Variants in CDS2 observed in about 807,000 individuals in gnomAD.
CDS2 encodes phosphatidate cytidylyltransferase 2.
Under a neutral mutation model 59.0 loss-of-function variants are expected in CDS2, and 47 were observed. That is an observed-to-expected ratio of 0.80 (90% CI 0.63 to 1.02). The LOEUF is 1.02. Among genes scored for constraint, CDS2 ranks in the 50% least tolerant of loss-of-function variants. CDS2 has a pLI of 0.00. For synonymous variants in CDS2, 207 were observed against 206.4 expected, an observed-to-expected ratio of 1.00 and a Z score of -0.02; for missense variants, 356 against 558.9, an observed-to-expected ratio of 0.64 and a Z score of 3.66.
chr20:5,173,582 A>G lies in CDS2; in HGVS notation c.117A>G (p.Ala39=). 1 of 1,614,262 alleles carries G rather than the reference A, an allele frequency of 6.2e-7. No homozygotes were observed. The highest frequency in any genetic ancestry group is 2.2e-5 in the East Asian group (1 of 44,888). Residue 39 remains alanine, a synonymous_variant, in exon 2 of 13, where the codon GCA becomes GCG. Coordinates refer to ENST00000460006, the MANE Select transcript of CDS2 (RefSeq NM_003818.4). The part of the protein sequence containing the change: ...GETASDSESR[A]ESAPLPVSAD... ...CTGCATCGGACAGTGAGAGCCGGGC[A>G]GAATCCGCACCCCTGCCAGTCTCTG...
At chr20:5,183,721 A>G (rs926088526) in intron 7 of CDS2, among the ~76,000 whole-genome samples, 1 of 152,238 alleles carries the variant, frequency 6.6e-6, no homozygotes, top group Non-Finnish European at 1.5e-5. Flanking sequence ...CATTCTAAAT[A>G]AAATACTAGC....
Position 5,184,830 on chromosome 20 carries a change from G to A in CDS2, c.672-28G>A, listed in dbSNP as rs2091055680. ...TTTGAGGTACTGTCACCTTGCTTGA[G>A]TTGATCCTTACTTTGGTTCATTTCT... On this transcript the variant is annotated intron_variant, in intron 7 of 12. Transcript: ENST00000460006. The surrounding 1 kb of genome is among the most constrained non-coding windows in gnomAD (Gnocchi z 4.3). The A allele has an allele frequency of 1.9e-6, 3 of 1,554,932 alleles. No homozygotes were observed. Among genetic ancestry groups the A allele is most frequent in the East Asian group, 2.2e-5 (1 of 44,642 alleles).
chr20:5,162,374 G>C lies in CDS2; in HGVS notation c.58-11149G>C, dbSNP rs184458759. 2.7e-4 allele frequency among the ~76,000 whole-genome samples: 41 copies of C among 152,196 alleles called. No homozygotes were observed. The East Asian group carries it at 7.9e-3, about 29-fold the overall frequency. On this transcript the variant is annotated intron_variant, in intron 1 of 12. Coordinates refer to ENST00000460006, the MANE Select transcript of CDS2 (RefSeq NM_003818.4). ...GAACTCTGAAATGCAAAACACTTCC[G>C]GTCTCAAGCATTTTGGTTAAGGGGT...
chr20:5,180,939 G>T (rs1388342298), intron 5 of CDS2, among the ~76,000 whole-genome samples: 2 of 152,166 alleles, frequency 1.3e-5, no homozygotes, highest in Non-Finnish European at 2.9e-5. Flanking sequence ...GAAAGTGTCA[G>T]TATGGTTAGG....
In CDS2 at chr20:5,169,170, G is replaced by A. The variant is rs189519250; in HGVS notation, c.58-4353G>A. On this transcript the variant is annotated intron_variant, in intron 1 of 12. Transcript: ENST00000460006. ...AAATGGCTGAGGAACTGTGGGAGGCGGTGGTTGAGAGAGAACCTGAGAGGG... is the reference window on the plus strand; with the variant it reads ...AAATGGCTGAGGAACTGTGGGAGGCAGTGGTTGAGAGAGAACCTGAGAGGG... Among the ~76,000 whole-genome samples the A allele has an allele frequency of 7.9e-5, 12 of 152,356 alleles. No homozygotes were observed. The East Asian group carries it at 1.5e-3, about 20-fold the overall frequency.
chr20:5,139,310 C>T (rs530649800), intron 1 of CDS2, among the ~76,000 whole-genome samples: 4 of 152,196 alleles, frequency 2.6e-5, no homozygotes, highest in South Asian at 2.1e-4. Context: ...GTAAGTGAGC[C>T]GAGATCATGC....
In CDS2 at chr20:5,194,610, A is replaced by G. The variant is rs1476342128; in HGVS notation, c.*4376A>G. 2 of 152,278 alleles carry G rather than the reference A, an allele frequency of 1.3e-5. No homozygotes were observed. Among genetic ancestry groups the G allele is most frequent in the East Asian group, 3.8e-4 (2 of 5,204 alleles). 9.4% of individuals were successfully genotyped at this position (152,278 alleles called of 1,614,324 possible). On this transcript the variant is annotated 3_prime_UTR_variant, in exon 13 of 13. Coordinates refer to ENST00000460006, the MANE Select transcript of CDS2 (RefSeq NM_003818.4). ...TCCCAACGCACTTTGAGTGCAGTTT[A>G]GGAGGTATCCTTTGGATGCTGAAGT...
chr20:5,130,809 A>G (rs1379457502), intron 1 of CDS2, among the ~76,000 whole-genome samples: 1 of 149,940 alleles, frequency 6.7e-6, no homozygotes, highest in African/African-American at 2.5e-5. Context: ...AAAGCTCTGG[A>G]GGCTGGGCGT....
intron 1 of CDS2, among the ~76,000 whole-genome samples, chr20:5,149,939 T>C (rs1188089025): frequency 6.6e-6 from 1 of 152,022 alleles, no homozygotes; most frequent in Non-Finnish European, 1.5e-5. Flanking sequence ...GTTCTCGAAC[T>C]CCTGACCTTA....
rs1046140990 is a variant in CDS2, at chr20:5,195,678, G to A, written c.*5444G>A. ...CAGGGGCCAAGAAGAGAAGAATGGG[G>A]ACAACAGAAACCTGCTTTGTAGGGG... On this transcript the variant is annotated 3_prime_UTR_variant, in exon 13 of 13. Coordinates refer to ENST00000460006, the MANE Select transcript of CDS2 (RefSeq NM_003818.4). 55 of 152,452 alleles carry A rather than the reference G, an allele frequency of 3.6e-4. No homozygotes were observed. The highest frequency in any genetic ancestry group is 1.3e-3 in the African/African-American group (54 of 41,562). 9.4% of individuals were successfully genotyped at this position (152,452 alleles called of 1,614,324 possible).
chr20:5,155,202 A>G (rs957240317), intron 1 of CDS2, among the ~76,000 whole-genome samples: 3 of 152,220 alleles, frequency 2.0e-5, no homozygotes, highest in African/African-American at 7.2e-5. Context: ...ACCTTTGGGA[A>G]GGGCTGAAAT....
chr20:5,138,604 G>T (rs2090667191), intron 1 of CDS2, among the ~76,000 whole-genome samples: 1 of 151,472 alleles, frequency 6.6e-6, no homozygotes. Context: ...TCCTGCCTCA[G>T]CCTCCCAAGT....
rs894291071 is a variant in CDS2, at chr20:5,189,978, A to T, written c.1206-124A>T. The stretch of plus-strand genomic sequence containing the variant: ...GTTGTTTCTGCTTACAGATTTTCTG[A>T]GGCCTCCTGTCATCTGTTAATAGAT... On this transcript the variant is annotated intron_variant, in intron 12 of 12. Transcript: ENST00000460006. The T allele has an allele frequency of 3.6e-6, 5 of 1,394,648 alleles. No homozygotes were observed. The African/African-American group carries it at 7.2e-5, about 20-fold the overall frequency. 86.4% of individuals were successfully genotyped at this position (1,394,648 alleles called of 1,614,324 possible).
intron 1 of CDS2, among the ~76,000 whole-genome samples, chr20:5,149,590 TG>T (rs1375611607): frequency 2.0e-5 from 3 of 152,070 alleles, no homozygotes; most frequent in Non-Finnish European, 4.4e-5. Flanking sequence ...TTTTTAGAAA[TG>T]GGGTCTCACT....
intron 1 of CDS2, among the ~76,000 whole-genome samples, chr20:5,133,350 C>G (rs1476706596): frequency 6.6e-6 from 1 of 151,966 alleles, no homozygotes; most frequent in Non-Finnish European, 1.5e-5. Flanking sequence ...CTCCTGAGCT[C>G]AAGCCATCCT....
chr20:5,140,348 T>C (rs910564891), intron 1 of CDS2, among the ~76,000 whole-genome samples: 1 of 152,236 alleles, frequency 6.6e-6, no homozygotes, highest in African/African-American at 2.4e-5. Flanking sequence ...ACAATTAATA[T>C]ATTCCCTTCT....
intron 1 of CDS2, among the ~76,000 whole-genome samples, chr20:5,161,915 T>C (rs1355633062): frequency 1.3e-5 from 2 of 152,242 alleles, no homozygotes; most frequent in East Asian, 1.9e-4. Context: ...TGTGTTAATA[T>C]AGCCTAAAAT....
intron 10 of CDS2, among the ~76,000 whole-genome samples, chr20:5,188,055 CGTGTGTGTGTGT>C (rs71332879): frequency 3.4e-5 from 5 of 148,804 alleles, no homozygotes; most frequent in African/African-American, 1.2e-4. Context: ...TCTTAACGTA[CGTGTGTGTGTGT>C]GTGTGTGTGT....
At chr20:5,187,298 A>G (rs2091076704) in intron 10 of CDS2, 1 of 184,420 alleles carries the variant, frequency 5.4e-6, no homozygotes, top group African/African-American at 2.3e-5. Context: ...ATGAAATAGT[A>G]AAGTTACTAA....
Sources: allele counts gnomAD v4.1 joint callset (sites outside exome capture counted in the v4.1 genomes callset), GRCh38; gene constraint gnomAD v4.1.1; non-coding constraint Gnocchi (gnomAD v3.1); transcripts MANE v1.5; gene names NCBI Gene and HGNC (gene_info 2026-07-23, HGNC 2026-07-21).